The following ARMH3 variants were observed in gnomAD, a reference collection of about 807,000 sequenced individuals.
ARMH3 encodes armadillo-like helical domain-containing protein 3.
ARMH3 carries 60 observed loss-of-function variants against 99.1 expected under a neutral mutation model. The ratio of observed to expected loss-of-function variants is 0.61; its 90% CI spans 0.49 to 0.75. The LOEUF is 0.75. Among genes scored for constraint, ARMH3 ranks in the 30% least tolerant of loss-of-function variants. ARMH3 has a pLI of 0.00. For missense variants in ARMH3, 679 were observed against 843.1 expected (o/e 0.81, Z 2.41); for synonymous variants, 285 against 292.8 (o/e 0.97, Z 0.27).
chr10:102,052,997 CTCAAA>C (rs2136304652), intron 1 of ARMH3, among the ~76,000 whole-genome samples: 1 of 152,160 alleles, frequency 6.6e-6, no homozygotes, highest in Non-Finnish European at 1.5e-5. Flanking sequence ...CATCCACTCT[CTCAAA>C]TTAGAAATCC....
intron 8 of ARMH3, among the ~76,000 whole-genome samples, chr10:102,021,627 A>T (rs1415566426): frequency 1.3e-5 from 2 of 151,298 alleles, no homozygotes; most frequent in Admixed American, 1.3e-4. Context: ...CACTCACTGC[A>T]AGCTCCGCCT....
At chr10:102,012,450 T>C (rs530587792) in intron 10 of ARMH3, among the ~76,000 whole-genome samples, 1 of 152,366 alleles carries the variant, frequency 6.6e-6, no homozygotes, top group African/African-American at 2.4e-5. Context: ...TCCTTTTATA[T>C]ATTTTTTAAG....
At chr10:101,934,332 G>A (rs1348928373) in intron 23 of ARMH3, among the ~76,000 whole-genome samples, 1 of 152,142 alleles carries the variant, frequency 6.6e-6, no homozygotes, top group Non-Finnish European at 1.5e-5. Flanking sequence ...TGGGTGAGGG[G>A]ACCACTTTGG....
intron 23 of ARMH3, among the ~76,000 whole-genome samples, chr10:101,903,423 T>C (rs1341358989): frequency 6.6e-6 from 1 of 152,210 alleles, no homozygotes; most frequent in Non-Finnish European, 1.5e-5. Flanking sequence ...GACAGACAGA[T>C]AATTTCATTA....
intron 20 of ARMH3, among the ~76,000 whole-genome samples, chr10:101,963,143 A>AC (rs1327367692): frequency 8.9e-6 from 1 of 112,238 alleles, no homozygotes; most frequent in African/African-American, 3.4e-5. Flanking sequence ...ATAATTTTGC[A>AC]TTTTTTTTTT....
At chr10:101,977,384 A>C (rs776646926) in intron 19 of ARMH3, among the ~76,000 whole-genome samples, 58 of 152,232 alleles carry the variant, frequency 3.8e-4, no homozygotes, top group Admixed American at 9.2e-4. Flanking sequence ...TTATAAAGGT[A>C]AATACTGATG....
At chr10:101,995,617 A>T (rs72844686) in intron 15 of ARMH3, among the ~76,000 whole-genome samples, 1 of 152,170 alleles carries the variant, frequency 6.6e-6, no homozygotes, top group Admixed American at 6.5e-5. Flanking sequence ...CTAACTCACA[A>T]TGGTTCCTAC....
At chr10:101,874,326 C>T (rs1051302940) in intron 24 of ARMH3, among the ~76,000 whole-genome samples, 2 of 152,036 alleles carry the variant, frequency 1.3e-5, no homozygotes, top group Non-Finnish European at 2.9e-5. Context: ...AAATGTATGG[C>T]CATGGGCAGT....
intron 24 of ARMH3, among the ~76,000 whole-genome samples, chr10:101,855,945 C>T (rs1191553962): frequency 2.0e-5 from 3 of 151,996 alleles, no homozygotes; most frequent in Non-Finnish European, 4.4e-5. Context: ...CAATCCAGTG[C>T]TCTTCCTAGT....
intron 6 of ARMH3, among the ~76,000 whole-genome samples, chr10:102,024,345 A>G (rs542567642): frequency 6.6e-6 from 1 of 152,072 alleles, no homozygotes; most frequent in African/African-American, 2.4e-5. Context: ...GCTACTCGGG[A>G]GGCTGAGGCA....
At chr10:101,967,736 TG>T (rs1310552826) in intron 20 of ARMH3, among the ~76,000 whole-genome samples, 1 of 151,600 alleles carries the variant, frequency 6.6e-6, no homozygotes, top group Non-Finnish European at 1.5e-5. Context: ...GACTCAGTCG[TG>T]GGGGGAGCAG....
chr10:101,989,999 G>A (rs1352068921), intron 19 of ARMH3, among the ~76,000 whole-genome samples: 1 of 152,016 alleles, frequency 6.6e-6, no homozygotes, highest in Non-Finnish European at 1.5e-5. Context: ...TTCATGTGTC[G>A]GCTCCCTCTT....
chr10:102,034,249 A>G (rs955116877), intron 2 of ARMH3, among the ~76,000 whole-genome samples: 1 of 152,246 alleles, frequency 6.6e-6, no homozygotes, highest in Non-Finnish European at 1.5e-5. Flanking sequence ...AAGAGTAAGC[A>G]AAATTATCAT....
At chr10:102,037,285 G>A (rs185314102) in intron 2 of ARMH3, among the ~76,000 whole-genome samples, 24 of 149,972 alleles carry the variant, frequency 1.6e-4, no homozygotes, top group Non-Finnish European at 3.1e-4. Context: ...GGGTTCAAGC[G>A]ATTCTCCTGC....
intron 24 of ARMH3, among the ~76,000 whole-genome samples, chr10:101,887,793 T>A (rs1052764487): frequency 6.6e-6 from 1 of 152,024 alleles, no homozygotes; most frequent in Non-Finnish European, 1.5e-5. Flanking sequence ...CATTCTCCTA[T>A]GAAATCCCTC....
chr10:101,961,378 T>C (rs180945316), intron 20 of ARMH3, among the ~76,000 whole-genome samples: 9 of 152,194 alleles, frequency 5.9e-5, no homozygotes, highest in African/African-American at 2.2e-4. Context: ...TGTTGCCTTC[T>C]TCAAAATTAG....
intron 22 of ARMH3, among the ~76,000 whole-genome samples, chr10:101,944,418 C>T (rs972394200): frequency 2.0e-5 from 3 of 149,820 alleles, no homozygotes; most frequent in Admixed American, 6.7e-5. Flanking sequence ...TAAAAATGTA[C>T]AGATTCAAAA....
At position 101,954,962 on chromosome 10, in the gene ARMH3, T is replaced by A. The variant is rs538068807; in HGVS notation, c.1705+1635A>T. ...GTATGTCAGACTTTTATAAAATATC[T>A]CCCCCACTCCAACTCTTTCCTTTTC... is the stretch of plus-strand genomic sequence containing the variant. On this transcript the variant is annotated intron_variant, in intron 22 of 25. Transcript: ENST00000370033. Among the ~76,000 whole-genome samples, 31 of 152,230 alleles carry A rather than the reference T, an allele frequency of 2.0e-4. No individual in the cohort carries two copies. The South Asian group carries it at 6.4e-3, about 32-fold the overall frequency.
intron 8 of ARMH3, among the ~76,000 whole-genome samples, chr10:102,018,412 G>A (rs878875415): frequency 2.6e-5 from 4 of 152,110 alleles, no homozygotes; most frequent in East Asian, 1.9e-4. Flanking sequence ...GGCCAACAGC[G>A]ATACTTACAT....
Sources: allele counts gnomAD v4.1 joint callset (sites outside exome capture counted in the v4.1 genomes callset), GRCh38; gene constraint gnomAD v4.1.1; transcripts MANE v1.5; gene names NCBI Gene and HGNC (gene_info 2026-07-23, HGNC 2026-07-21).